KCNJ3: variants seen among roughly 807,000 people sequenced by gnomAD.
KCNJ3 encodes the protein G protein-activated inward rectifier potassium channel 1.
A neutral mutation model predicts 39.2 loss-of-function variants in KCNJ3; 4 were observed. The observed-to-expected ratio is 0.10, with a 90% CI of 0.05 to 0.23. The LOEUF is 0.23. Ranked by LOEUF, KCNJ3 falls within the 10% of genes least tolerant of loss-of-function variation. The probability of loss-of-function intolerance (pLI) is 1.00; values close to 1 mark genes in which losing one functional copy is unlikely to be tolerated. For missense variants in KCNJ3, 276 were observed against 634.9 expected, an observed-to-expected ratio of 0.43 and a Z score of 6.08; for synonymous variants, 230 against 237.4, an observed-to-expected ratio of 0.97 and a Z score of 0.29.
rs889312411 is a variant in KCNJ3, at chr2:154,833,932, C to T, written c.920-20795C>T. On this transcript the variant is annotated intron_variant, in intron 2 of 2. Coordinates refer to ENST00000295101, the MANE Select transcript of KCNJ3 (RefSeq NM_002239.4). ...TGGCTGTACCACAGTCTGTCTCCTA[C>T]TGAAGGCATCTCCATGGCTTCCAAG... Among the ~76,000 whole-genome samples the T allele has an allele frequency of 3.3e-5, 5 of 152,054 alleles. No homozygotes were observed. In the South Asian group the frequency reaches 6.2e-4, roughly 19 times the overall value.
chr2:154,841,150 T>C (rs1687568507), intron 2 of KCNJ3, among the ~76,000 whole-genome samples: 1 of 152,238 alleles, frequency 6.6e-6, no homozygotes, highest in African/African-American at 2.4e-5. Flanking sequence ...TCAAGGGCTG[T>C]TGAATTTTGT....
intron 2 of KCNJ3, among the ~76,000 whole-genome samples, chr2:154,792,902 G>C (rs1686659485): frequency 6.6e-6 from 1 of 152,042 alleles, no homozygotes; most frequent in Admixed American, 6.6e-5. Flanking sequence ...GGAGGTAGGA[G>C]AAAGATAAAT....
chr2:154,794,150 G>T (rs542515970), intron 2 of KCNJ3, among the ~76,000 whole-genome samples: 2 of 151,976 alleles, frequency 1.3e-5, no homozygotes, highest in East Asian at 3.9e-4. Context: ...GGGCTATTGG[G>T]TAAGAATTTC....
At chr2:154,735,427 T>G (rs1574440414) in intron 2 of KCNJ3, among the ~76,000 whole-genome samples, 1 of 152,318 alleles carries the variant, frequency 6.6e-6, no homozygotes, top group Non-Finnish European at 1.5e-5. Flanking sequence ...GGCCTGTTTC[T>G]TATTCTATAT....
intron 2 of KCNJ3, among the ~76,000 whole-genome samples, chr2:154,719,405 A>G (rs1031448034): frequency 4.6e-5 from 7 of 152,176 alleles, no homozygotes; most frequent in Non-Finnish European, 1.0e-4. Flanking sequence ...TGTGCCGATC[A>G]ATGTAGCCAA....
intron 2 of KCNJ3, among the ~76,000 whole-genome samples, chr2:154,776,298 G>A (rs190445748): frequency 3.3e-5 from 5 of 152,082 alleles, no homozygotes; most frequent in Admixed American, 6.5e-5. Flanking sequence ...CACCGCTCCC[G>A]GCCAGGGATT....
chr2:154,777,495 T>A (rs1047345541), intron 2 of KCNJ3, among the ~76,000 whole-genome samples: 1 of 152,146 alleles, frequency 6.6e-6, no homozygotes, highest in Non-Finnish European at 1.5e-5. Context: ...TATCAAAAAA[T>A]TTTATTTATC....
intron 2 of KCNJ3, among the ~76,000 whole-genome samples, chr2:154,850,008 CTTTTTTTTTTTTTTTTTTTT>C (rs373062062): frequency 6.3e-4 from 31 of 48,858 alleles, no homozygotes; most frequent in South Asian, 1.1e-3. Flanking sequence ...CAGAATAAAT[CTTTTTTTTTTTTTTTTTTTT>C]TTTTTTTTTT....
chr2:154,784,165 A>G (rs1686487296), intron 2 of KCNJ3, among the ~76,000 whole-genome samples: 1 of 152,222 alleles, frequency 6.6e-6, no homozygotes, highest in Admixed American at 6.5e-5. Context: ...AGATTTTCAA[A>G]CCATGTTTAA....
intron 1 of KCNJ3, among the ~76,000 whole-genome samples, chr2:154,701,324 G>A (rs1240824605): frequency 3.9e-5 from 6 of 151,996 alleles, no homozygotes; most frequent in Non-Finnish European, 8.8e-5. Flanking sequence ...AGACATTAAA[G>A]GTTATTTATA....
intron 2 of KCNJ3, among the ~76,000 whole-genome samples, chr2:154,795,219 G>A (rs2105212989): frequency 6.6e-6 from 1 of 151,614 alleles, no homozygotes; most frequent in South Asian, 2.1e-4. Flanking sequence ...TTTTAATTTA[G>A]CAAACAAGTA....
At chr2:154,719,523 A>G (rs1387885931) in intron 2 of KCNJ3, among the ~76,000 whole-genome samples, 1 of 152,164 alleles carries the variant, frequency 6.6e-6, no homozygotes, top group Non-Finnish European at 1.5e-5. Context: ...ATTGTGGAAC[A>G]TTGTGTGAAG....
chr2:154,736,056 G>A (rs576269657), intron 2 of KCNJ3, among the ~76,000 whole-genome samples: 14 of 152,182 alleles, frequency 9.2e-5, no homozygotes, highest in Admixed American at 2.6e-4. Flanking sequence ...CTAGGCCAGC[G>A]TGTAAAATTT....
rs530554786 is a variant in KCNJ3, at chr2:154,856,528, C to G, written c.*1215C>G. The G allele has an allele frequency of 2.0e-5, 3 of 152,104 alleles. No individual in the cohort carries two copies. Among genetic ancestry groups the G allele is most frequent in the African/African-American group, 4.8e-5 (2 of 41,428 alleles). 9.4% of individuals were successfully genotyped at this position (152,104 alleles called of 1,614,324 possible). ...ATGGCATTTGTTGTAACAGGATAGA[C>G]TTTTTCCTCACCTAGGAAACCTATC... On this transcript the variant is annotated 3_prime_UTR_variant, in exon 3 of 3. Coordinates refer to ENST00000295101, the MANE Select transcript of KCNJ3 (RefSeq NM_002239.4).
chr2:154,767,314 G>T (rs1236003075), intron 2 of KCNJ3, among the ~76,000 whole-genome samples: 6 of 151,908 alleles, frequency 3.9e-5, no homozygotes, highest in Non-Finnish European at 7.4e-5. Flanking sequence ...TAGGTATATT[G>T]CCTAATGCCA....
chr2:154,791,110 T>C (rs759565101), intron 2 of KCNJ3, among the ~76,000 whole-genome samples: 28 of 152,134 alleles, frequency 1.8e-4, no homozygotes, highest in Non-Finnish European at 2.1e-4. Context: ...CACCCCACTG[T>C]TGGCCGGTGA....
intron 2 of KCNJ3, among the ~76,000 whole-genome samples, chr2:154,798,928 C>T (rs967825264): frequency 6.7e-6 from 1 of 148,862 alleles, no homozygotes; most frequent in Admixed American, 6.7e-5. Context: ...ATGTGCATGC[C>T]GTGTGTGTGT....
At chr2:154,740,221 G>A (rs920163251) in intron 2 of KCNJ3, among the ~76,000 whole-genome samples, 9 of 151,910 alleles carry the variant, frequency 5.9e-5, no homozygotes, top group Non-Finnish European at 1.3e-4. Flanking sequence ...CATTGGGATT[G>A]GAAACTAATT....
intron 2 of KCNJ3, among the ~76,000 whole-genome samples, chr2:154,752,152 C>G (rs1685857696): frequency 6.6e-6 from 1 of 151,892 alleles, no homozygotes; most frequent in Non-Finnish European, 1.5e-5. Context: ...TGGATGTTAT[C>G]TTAAGTGCTG....
Sources: allele counts gnomAD v4.1 joint callset (sites outside exome capture counted in the v4.1 genomes callset), GRCh38; gene constraint gnomAD v4.1.1; transcripts MANE v1.5; gene names NCBI Gene and HGNC (gene_info 2026-07-23, HGNC 2026-07-21).